Variants in PAK5 observed in about 807,000 individuals in gnomAD.
PAK5 encodes serine/threonine-protein kinase PAK 5.
A neutral mutation model predicts 65.9 loss-of-function variants in PAK5; 16 were observed. That is an observed-to-expected ratio of 0.24 (90% confidence interval 0.16 to 0.37). The LOEUF (loss-of-function observed/expected upper bound fraction) is 0.37. PAK5 is among the 10% of genes least tolerant of loss of function. The pLI is 1.00. For synonymous variants in PAK5, 371 were observed against 354.9 expected, an observed-to-expected ratio of 1.05 and a Z score of -0.51; for missense variants, 785 against 903.9, an observed-to-expected ratio of 0.87 and a Z score of 1.69.
chr20:9,784,024 G>A (rs1264867383), intron 1 of PAK5, among the ~76,000 whole-genome samples: 1 of 152,154 alleles, frequency 6.6e-6, no homozygotes. Flanking sequence ...TGTAATTTAA[G>A]TCTCATGAAA....
intron 3 of PAK5, among the ~76,000 whole-genome samples, chr20:9,612,317 C>T (rs902936498): frequency 4.6e-5 from 7 of 152,242 alleles, no homozygotes; most frequent in South Asian, 2.1e-4. Context: ...TGTATTTGGC[C>T]GTTCTCACAC....
In PAK5 at chr20:9,682,924, A is replaced by G. The variant is rs182884287; in HGVS notation, c.-12+28362T>C. ...CAAGCTCTAGAAGGTAGCTTTATAT[A>G]TTCTGTGAAAGAAGCTGTAGGATTT... On this transcript the variant is annotated intron_variant, in intron 2 of 9. Transcript: ENST00000353224. Among the ~76,000 whole-genome samples, 420 of 152,358 alleles carry G rather than the reference A, an allele frequency of 2.8e-3. 4 individuals carry two copies. Among genetic ancestry groups the G allele is most frequent in the South Asian group, 0.014 (70 of 4,828 alleles).
chr20:9,787,620 TGTG>T (rs2060932080), intron 1 of PAK5, among the ~76,000 whole-genome samples: 3 of 7,464 alleles, frequency 4.0e-4, no homozygotes, highest in East Asian at 0.026. Context: ...ATGAAAAGGA[TGTG>T]TGTGTGTGTG....
intron 1 of PAK5, among the ~76,000 whole-genome samples, chr20:9,726,837 A>G (rs1280427360): frequency 6.6e-6 from 1 of 152,198 alleles, no homozygotes; most frequent in Non-Finnish European, 1.5e-5. Context: ...TAAAAGAAAA[A>G]AAAGTATTAG....
chr20:9,572,977 G>A (rs16996073), intron 4 of PAK5, among the ~76,000 whole-genome samples: 135 of 152,174 alleles, frequency 8.9e-4, no homozygotes, highest in African/African-American at 3.1e-3. Context: ...CTGCTTAGCT[G>A]CAGGGTTACC....
chr20:9,540,740 T>C (rs2045248294), intron 9 of PAK5, among the ~76,000 whole-genome samples: 1 of 150,664 alleles, frequency 6.6e-6, no homozygotes, highest in Non-Finnish European at 1.5e-5. Context: ...TTAGTCACTT[T>C]TTTTTTTTTT....
At chr20:9,824,086 C>A (rs1389022273) in intron 1 of PAK5, among the ~76,000 whole-genome samples, 1 of 152,130 alleles carries the variant, frequency 6.6e-6, no homozygotes, top group Non-Finnish European at 1.5e-5. Context: ...TTGATTACTG[C>A]TCAATCATTG....
chr20:9,679,762 G>A (rs1488431242), intron 2 of PAK5, among the ~76,000 whole-genome samples: 2 of 152,114 alleles, frequency 1.3e-5, no homozygotes, highest in Non-Finnish European at 2.9e-5. Context: ...ATCAAATTAA[G>A]AATTGATTTC....
At chr20:9,665,416 C>T (rs1160974561) in intron 2 of PAK5, among the ~76,000 whole-genome samples, 4 of 152,246 alleles carry the variant, frequency 2.6e-5, no homozygotes, top group Non-Finnish European at 4.4e-5. Flanking sequence ...TCCCTTGCTG[C>T]TAGCTGTGAA....
chr20:9,814,200 T>A (rs2049330205), intron 1 of PAK5, among the ~76,000 whole-genome samples: 1 of 152,128 alleles, frequency 6.6e-6, no homozygotes, highest in African/African-American at 2.4e-5. Flanking sequence ...AAGGGTACTA[T>A]AAACAAGGCA....
intron 8 of PAK5, 72 bp from the exon 9 acceptor site, chr20:9,542,792 C>T (rs6118640): frequency 1.5e-6 from 2 of 1,344,438 alleles, no homozygotes; most frequent in South Asian, 2.6e-5. Flanking sequence ...TCCACAGAAC[C>T]TCATACTCAT....
intron 2 of PAK5, among the ~76,000 whole-genome samples, chr20:9,684,483 C>T (rs556892711): frequency 7.9e-5 from 12 of 152,266 alleles, no homozygotes; most frequent in South Asian, 4.1e-4. Context: ...GGTTTAGAAA[C>T]GTGCAGAAAA....
At chr20:9,801,682 A>G (rs1329451531) in intron 1 of PAK5, among the ~76,000 whole-genome samples, 3 of 152,056 alleles carry the variant, frequency 2.0e-5, no homozygotes, top group Admixed American at 2.0e-4. Flanking sequence ...TCATGATTTC[A>G]AATTCATTTA....
chr20:9,719,668 C>T (rs960539112), intron 1 of PAK5, among the ~76,000 whole-genome samples: 4 of 152,104 alleles, frequency 2.6e-5, no homozygotes, highest in Admixed American at 2.6e-4. Flanking sequence ...GCACTTACAG[C>T]TTGTATTAAC....
At chr20:9,795,155 G>A (rs947620329) in intron 1 of PAK5, among the ~76,000 whole-genome samples, 2 of 152,006 alleles carry the variant, frequency 1.3e-5, no homozygotes, top group African/African-American at 2.4e-5. Context: ...AGGCCATGTT[G>A]AAGAAATCAG....
chr20:9,660,940 C>T (rs1363704646), intron 2 of PAK5, among the ~76,000 whole-genome samples: 2 of 152,074 alleles, frequency 1.3e-5, no homozygotes, highest in Non-Finnish European at 2.9e-5. Flanking sequence ...CACTGGGGAG[C>T]TTGTTTAAAA....
At chr20:9,641,106 A>C (rs1046542274) in intron 3 of PAK5, among the ~76,000 whole-genome samples, 1 of 152,088 alleles carries the variant, frequency 6.6e-6, no homozygotes, top group Non-Finnish European at 1.5e-5. Flanking sequence ...CCTGAGCTAG[A>C]TACAAAGGTT....
chr20:9,640,546 G>C (rs188198328), intron 3 of PAK5, among the ~76,000 whole-genome samples: 1 of 152,134 alleles, frequency 6.6e-6, no homozygotes, highest in Non-Finnish European at 1.5e-5. Context: ...GTTTATAGCA[G>C]CATGTTTTAT....
At chr20:9,790,551 G>A (rs2223568) in intron 1 of PAK5, among the ~76,000 whole-genome samples, 110,013 of 152,004 alleles carry the variant, frequency 0.72, 39,905 homozygotes, top group Admixed American at 0.76. Flanking sequence ...TGTTGACCAG[G>A]CTGTAGTACA....
Sources: gnomAD v4.1 joint callset for allele counts (sites outside exome capture counted in the v4.1 genomes callset) on GRCh38, gnomAD v4.1.1 for gene constraint, MANE v1.5 for transcripts, NCBI Gene and HGNC (gene_info 2026-07-23, HGNC 2026-07-21) for gene names.